Variants in HECTD4 observed in about 807,000 individuals in gnomAD.
HECTD4 encodes probable E3 ubiquitin-protein ligase HECTD4.
HECTD4 carries 114 observed loss-of-function variants against 471.5 expected under a neutral mutation model. That is an observed-to-expected ratio of 0.24 (90% confidence interval 0.21 to 0.28). The LOEUF (loss-of-function observed/expected upper bound fraction) is 0.28, where lower values mean the gene tolerates loss of function less well. Among genes scored for constraint, HECTD4 ranks in the 10% least tolerant of loss-of-function variants. The pLI, the probability that HECTD4 is intolerant of heterozygous loss-of-function variation, is 1.00. For synonymous variants in HECTD4, 2,012 were observed against 2,256.0 expected (o/e 0.89, Z 3.07); for missense variants, 3,866 against 5,651.5 (o/e 0.68, Z 10.13).
chr12:112,217,085 T>C lies in HECTD4; in HGVS notation c.7185A>G (p.Gly2395=), dbSNP rs1593940276. Residue 2395 remains glycine, a synonymous_variant, in exon 46 of 76, where the codon GGA becomes GGG. Coordinates refer to ENST00000682272, the MANE Select transcript of HECTD4 (RefSeq NM_001388303.1). ...VTFLADPSAG[G]GLPRGTFIYA... is the part of the protein sequence containing the mutation. ...AGATAAAAGTGCCCCGGGGCAGGCC[T>C]CCCCCAGCGCTGGGGTCAGCCAGGA... 1.3e-6 allele frequency: 2 copies of C among 1,585,366 alleles called. No individual in the cohort carries two copies. The highest frequency in any genetic ancestry group is 2.2e-5 in the East Asian group (1 of 44,502).
rs181373909 is a variant in HECTD4 at position 112,275,383 on chromosome 12, C to T, written c.1688-423G>A. Among the ~76,000 whole-genome samples, 99 of 152,264 alleles carry T rather than the reference C, an allele frequency of 6.5e-4. 1 individual carries two copies. The highest frequency in any genetic ancestry group is 2.8e-3 in the Admixed American group (43 of 15,298). Reference sequence around the variant, plus strand: ...CAGCTGCAATCTTTCCTAATACTGGCTCTACAACTTGGACACACCCTGGCT... The same window carrying T: ...CAGCTGCAATCTTTCCTAATACTGGTTCTACAACTTGGACACACCCTGGCT... On this transcript the variant is annotated intron_variant, in intron 9 of 75. Coordinates refer to ENST00000682272, the MANE Select transcript of HECTD4 (RefSeq NM_001388303.1).
At chr12:112,303,874 A>C (rs868421707) in intron 7 of HECTD4, among the ~76,000 whole-genome samples, 2 of 147,966 alleles carry the variant, frequency 1.4e-5, no homozygotes, top group Non-Finnish European at 3.0e-5. Context: ...AAAAAAAAAA[A>C]GAAAAAAAAA....
At chr12:112,215,764 C>T (rs779206567) in intron 48 of HECTD4, among the ~76,000 whole-genome samples, 3 of 152,170 alleles carry the variant, frequency 2.0e-5, no homozygotes, top group African/African-American at 4.8e-5. Context: ...CTCAGCCTCT[C>T]GAGTAGCTGG....
Position 112,167,425 on chromosome 12 carries a change from G to C in HECTD4, c.12426C>G (p.Asp4142Glu), listed in dbSNP as rs1566057717. Residue 4142 changes from aspartate to glutamate, a missense_variant, in exon 72 of 76, where the codon GAC (aspartate) becomes GAG (glutamate). By Grantham distance (45) the Asp-to-Glu change is conservative. This residue lies in a region of HECTD4 where 715 missense variants were observed against 1,087.6 expected (regional missense o/e 0.66). Coordinates refer to ENST00000682272, the MANE Select transcript of HECTD4 (RefSeq NM_001388303.1). ...AIRADVPLPLDLLPSFWKTLV... is the reference protein window; with the variant it reads ...AIRADVPLPLELLPSFWKTLV... ...GCGTCTTCCAGAAGGAGGGCAGGAG[G>C]TCCAGGGGCAGCGGGACGTCTGCCC... 6.2e-7 allele frequency: 1 copy of C among 1,613,818 alleles called. No individual in the cohort carries two copies. Among genetic ancestry groups the C allele is most frequent in the Admixed American group, 1.7e-5 (1 of 60,024 alleles).
At chr12:112,275,971 C>A (rs567524142) in intron 9 of HECTD4, among the ~76,000 whole-genome samples, 1 of 152,158 alleles carries the variant, frequency 6.6e-6, no homozygotes, top group African/African-American at 2.4e-5. Context: ...CTCCTTTCTA[C>A]CCCACTCCAC....
chr12:112,294,427 A>G (rs1258940201), intron 7 of HECTD4, among the ~76,000 whole-genome samples: 1 of 152,224 alleles, frequency 6.6e-6, no homozygotes. Flanking sequence ...AAATCATAGG[A>G]GGTCTATGGC....
intron 1 of HECTD4, chr12:112,321,813 A>T (rs1342544737): frequency 6.6e-6 from 1 of 152,184 alleles, no homozygotes. Context: ...AAGAAGCAAG[A>T]AGCTAAAGAA....
chr12:112,309,856 A>G (rs962297360), intron 4 of HECTD4, among the ~76,000 whole-genome samples, 187 bp from the exon 5 acceptor site: 9 of 152,184 alleles, frequency 5.9e-5, no homozygotes, highest in African/African-American at 2.2e-4. Flanking sequence ...TCCAAAATGC[A>G]TGTGGACCAG....
chr12:112,287,971 T>C (rs2135650238), intron 7 of HECTD4, among the ~76,000 whole-genome samples: 1 of 152,230 alleles, frequency 6.6e-6, no homozygotes, highest in African/African-American at 2.4e-5. Context: ...ATTCATGCCC[T>C]TGTATAGTCC....
intron 1 of HECTD4, among the ~76,000 whole-genome samples, chr12:112,331,267 C>G (rs552314686): frequency 7.8e-4 from 119 of 152,156 alleles, no homozygotes; most frequent in Non-Finnish European, 1.5e-3. Context: ...GACAGGGTTT[C>G]ACCATGTTGG....
At chr12:112,315,493 T>C (rs1336940771) in intron 2 of HECTD4, among the ~76,000 whole-genome samples, 1 of 152,094 alleles carries the variant, frequency 6.6e-6, no homozygotes, top group Non-Finnish European at 1.5e-5. Flanking sequence ...TAAAAACAAG[T>C]TGGAATCGGG....
In HECTD4 at chr12:112,188,235, G is replaced by A. The variant is rs369005931; in HGVS notation, c.9472+2551C>T. Among the ~76,000 whole-genome samples the A allele has an allele frequency of 6.6e-6, 1 of 152,176 alleles. No homozygotes were observed. The highest frequency in any genetic ancestry group is 1.9e-4 in the East Asian group (1 of 5,184). On this transcript the variant is annotated intron_variant, in intron 60 of 75. Transcript: ENST00000682272. The surrounding 1 kb of genome is among the most constrained non-coding windows in gnomAD (Gnocchi z 4.2). ...ACCCAGGAGGTGGAAGTTGCAGTGA[G>A]CTGAGATCGCACCACTGCGCTCCAG...
rs143201168 is a variant in HECTD4, at chr12:112,293,648, A to T, written c.1336-10346T>A. On this transcript the variant is annotated intron_variant, in intron 7 of 75. Transcript: ENST00000682272. ...ATAATAAATCACCATTTGTGTACAA[A>T]ACAGAAAAGGAAAAACAACACAAAC... Among the ~76,000 whole-genome samples, 335 of 152,342 alleles carry T rather than the reference A, an allele frequency of 2.2e-3. 1 individual carries two copies. Among genetic ancestry groups the T allele is most frequent in the African/African-American group, 7.8e-3 (324 of 41,580 alleles).
chr12:112,316,119 C>G (rs980273884), intron 2 of HECTD4, among the ~76,000 whole-genome samples: 6 of 152,042 alleles, frequency 3.9e-5, no homozygotes, highest in Admixed American at 3.9e-4. Context: ...CCAACTTCAT[C>G]TCCTGCCCCT....
chr12:112,328,815 A>G (rs1200836489), intron 1 of HECTD4, among the ~76,000 whole-genome samples: 1 of 152,216 alleles, frequency 6.6e-6, no homozygotes, highest in African/African-American at 2.4e-5. Context: ...AGGATATTAA[A>G]TTTCCACACT....
At chr12:112,340,452 T>C (rs1053499248) in intron 1 of HECTD4, among the ~76,000 whole-genome samples, 1 of 152,138 alleles carries the variant, frequency 6.6e-6, no homozygotes, top group Non-Finnish European at 1.5e-5. Context: ...AGCTCTCCCA[T>C]TGAGGTAGGA....
At chr12:112,306,014 G>A in intron 7 of HECTD4, 50 bp downstream of exon 7, 1 of 1,540,512 alleles carries the variant, frequency 6.5e-7, no homozygotes, top group Non-Finnish European at 8.8e-7. Context: ...TAAAAAGAAA[G>A]CAAACAGAAA....
chr12:112,264,147 C>A lies in HECTD4; in HGVS notation c.2685G>T (p.Leu895Phe). 1 of 1,607,870 alleles carries A rather than the reference C, an allele frequency of 6.2e-7. No individual in the cohort carries two copies. The highest frequency in any genetic ancestry group is 1.1e-5 in the South Asian group (1 of 89,336). Reference sequence around the variant, plus strand: ...TGTCATCATTCTCATCAGGTTTAATCAAAATAGTGTTACTGAGAAGGTGAT... The same window carrying A: ...TGTCATCATTCTCATCAGGTTTAATAAAAATAGTGTTACTGAGAAGGTGAT... ...VQNHLLSNTI[L>F]IKPDENDDSD... Residue 895 changes from leucine (L) to phenylalanine (F), a missense_variant, in exon 17 of 76, where the codon TTG (leucine) becomes TTT (phenylalanine). Leu to Phe is a conservative substitution (Grantham distance 22). This residue lies in a region of HECTD4 where 525 missense variants were observed against 672.6 expected (regional missense o/e 0.78). Transcript: ENST00000682272.
rs866910286 is a variant in HECTD4, at chr12:112,210,168, T to C, written c.7714A>G (p.Thr2572Ala). The C allele has an allele frequency of 6.2e-7, 1 of 1,613,888 alleles. No individual in the cohort carries two copies. The highest frequency in any genetic ancestry group is 1.1e-5 in the South Asian group (1 of 91,086). ...GCGCTGATCTCTTCTGCTAGGTCAG[T>C]GCACAGGTCAGCAGCATTGCGGTGG... ...QAHRNAADLC[T>A]DLAEEISANF... is the part of the protein sequence containing the mutation. Residue 2572 changes from threonine to alanine, a missense_variant, in exon 50 of 76, where the codon ACT (threonine) becomes GCT (alanine). Thr to Ala is a moderately conservative substitution (Grantham distance 58). This residue lies in a region of HECTD4 where 8 missense variants were observed against 34.6 expected (regional missense o/e 0.23). Transcript: ENST00000682272.
Sources: allele counts gnomAD v4.1 joint callset (sites outside exome capture counted in the v4.1 genomes callset), GRCh38; gene constraint gnomAD v4.1.1; regional missense constraint gnomAD v4.1.1; non-coding constraint Gnocchi (gnomAD v3.1); transcripts MANE v1.5; gene names NCBI Gene and HGNC (gene_info 2026-07-23, HGNC 2026-07-21).